LINGO2: variants seen among roughly 807,000 people sequenced by gnomAD.
The protein encoded by LINGO2 is leucine rich repeat and Ig domain containing 2.
A neutral mutation model predicts 30.6 loss-of-function variants in LINGO2; 14 were observed. The ratio of observed to expected loss-of-function variants is 0.46; its 90% CI spans 0.30 to 0.72. The LOEUF is 0.72. Ranked by LOEUF, LINGO2 falls within the 30% of genes least tolerant of loss-of-function variation. The pLI is 0.07. For missense variants in LINGO2, 729 were observed against 751.7 expected (o/e 0.97, Z 0.35); for synonymous variants, 317 against 288.5 (o/e 1.10, Z -1.00).
the LINGO2 span, among the ~76,000 whole-genome samples, chr9:28,823,306 A>G: frequency 6.6e-6 from 1 of 152,206 alleles, no homozygotes; most frequent in African/African-American, 2.4e-5. Context: ...CTAAATGGAC[A>G]TCTAGGCAGA....
In LINGO2 at chr9:28,594,000, T is replaced by TA. The variant is rs572589055; in HGVS notation, c.-365+76199dup. Among the ~76,000 whole-genome samples the TA allele has an allele frequency of 8.3e-3, 1,248 of 150,628 alleles. 26 individuals carry two copies. Among genetic ancestry groups the TA allele is most frequent in the African/African-American group, 0.029 (1,184 of 41,080 alleles). ...CAATGAACTCCTTGCTTTCACTATT[T>TA]AAAAAAAAAGAATAGGTAATAAAAT... On this transcript the variant is annotated intron_variant, in intron 1 of 5. Coordinates refer to ENST00000379992, the Ensembl canonical transcript of LINGO2.
intron 4 of LINGO2, among the ~76,000 whole-genome samples, chr9:28,068,686 T>C (rs909611146): frequency 1.3e-5 from 2 of 152,136 alleles, no homozygotes; most frequent in African/African-American, 2.4e-5. Context: ...TCCTGTAAGA[T>C]AAGTAAAGCA....
At chr9:28,939,817 G>C in the LINGO2 span, among the ~76,000 whole-genome samples, 1 of 152,074 alleles carries the variant, frequency 6.6e-6, no homozygotes, top group Admixed American at 6.6e-5. Flanking sequence ...CCACCTTTCT[G>C]AATTCCCTCT....
intron 1 of LINGO2, among the ~76,000 whole-genome samples, chr9:28,542,824 GAA>G (rs758026244): frequency 6.6e-6 from 1 of 152,038 alleles, no homozygotes; most frequent in South Asian, 2.1e-4. Context: ...TGAGGTGAGT[GAA>G]ACAGTGCATG....
chr9:28,205,807 C>T (rs929065015), intron 4 of LINGO2, among the ~76,000 whole-genome samples: 2 of 152,088 alleles, frequency 1.3e-5, no homozygotes, highest in Admixed American at 1.3e-4. Context: ...TCCTTTTGTT[C>T]CAAGTCCAAG....
downstream of LINGO2, among the ~76,000 whole-genome samples, chr9:27,947,475 C>T (rs909498061): frequency 6.6e-6 from 1 of 152,142 alleles, no homozygotes; most frequent in Non-Finnish European, 1.5e-5. Flanking sequence ...GGTTTTTAAT[C>T]CACCTTGTTT....
At chr9:28,632,702 A>C (rs566065777) in intron 1 of LINGO2, among the ~76,000 whole-genome samples, 2,372 of 137,868 alleles carry the variant, frequency 0.017, 69 homozygotes, top group African/African-American at 0.039. Flanking sequence ...ATATAGATCT[A>C]TATATTTATA....
chr9:29,119,476 A>T, the LINGO2 span, among the ~76,000 whole-genome samples: 1 of 151,830 alleles, frequency 6.6e-6, no homozygotes, highest in Non-Finnish European at 1.5e-5. Flanking sequence ...AATAATAGAT[A>T]TTGATAATAG....
chr9:29,089,923 A>G, the LINGO2 span, among the ~76,000 whole-genome samples: 5 of 152,040 alleles, frequency 3.3e-5, no homozygotes, highest in Non-Finnish European at 7.4e-5. Context: ...CTACATACCT[A>G]TATCAGGTTC....
At chr9:28,477,423 T>G (rs546544841) in intron 1 of LINGO2, among the ~76,000 whole-genome samples, 23 of 152,304 alleles carry the variant, frequency 1.5e-4, no homozygotes, top group African/African-American at 5.3e-4. Flanking sequence ...ATTTGAACTT[T>G]TTCAGAACCC....
the LINGO2 span, among the ~76,000 whole-genome samples, chr9:29,029,725 T>TAA: frequency 2.0e-5 from 3 of 152,160 alleles, no homozygotes; most frequent in South Asian, 6.2e-4. Context: ...AGCCACCTGA[T>TAA]ATGTTTATAA....
At chr9:28,703,754 C>G in the LINGO2 span, among the ~76,000 whole-genome samples, 1 of 151,648 alleles carries the variant, frequency 6.6e-6, no homozygotes, top group African/African-American at 2.4e-5. Context: ...AGTTGTTGTC[C>G]TAGAATTTGT....
the LINGO2 span, among the ~76,000 whole-genome samples, chr9:29,116,876 A>G: frequency 5.5e-4 from 84 of 152,252 alleles, 1 homozygote; most frequent in African/African-American, 2.0e-3. Flanking sequence ...AGGATAATCA[A>G]TCCTACTGAA....
the LINGO2 span, among the ~76,000 whole-genome samples, chr9:28,972,768 C>T: frequency 9.4e-3 from 1,434 of 152,194 alleles, 12 homozygotes; most frequent in Non-Finnish European, 0.014. Flanking sequence ...AGCAAAGGCA[C>T]GTCTTACATG....
the LINGO2 span, among the ~76,000 whole-genome samples, chr9:28,699,776 G>A: frequency 6.6e-6 from 1 of 151,960 alleles, no homozygotes; most frequent in African/African-American, 2.4e-5. Context: ...ATAAATGGCT[G>A]CTCTGGGAGT....
chr9:28,742,117 C>G, the LINGO2 span, among the ~76,000 whole-genome samples: 2 of 152,010 alleles, frequency 1.3e-5, no homozygotes, highest in Non-Finnish European at 1.5e-5. Flanking sequence ...CTATGTTTTA[C>G]TATGGTGAAC....
the LINGO2 span, among the ~76,000 whole-genome samples, chr9:29,033,520 C>A: frequency 3.3e-5 from 5 of 151,430 alleles, no homozygotes; most frequent in East Asian, 9.7e-4. Flanking sequence ...ATTAATAATC[C>A]ATAGAAGTGT....
chr9:28,450,383 C>A (rs927746182), intron 2 of LINGO2, among the ~76,000 whole-genome samples: 1 of 152,018 alleles, frequency 6.6e-6, no homozygotes, highest in Non-Finnish European at 1.5e-5. Flanking sequence ...CAAATCATCA[C>A]AGTTTTAAAG....
At chr9:28,575,972 G>A (rs2135621062) in intron 1 of LINGO2, among the ~76,000 whole-genome samples, 1 of 148,902 alleles carries the variant, frequency 6.7e-6, no homozygotes, top group Non-Finnish European at 1.5e-5. Context: ...CCCCACACAG[G>A]GACAGACATA....
Sources: gnomAD v4.1 joint callset for allele counts (sites outside exome capture counted in the v4.1 genomes callset) on GRCh38, gnomAD v4.1.1 for gene constraint, MANE v1.5 for transcripts, NCBI Gene and HGNC (gene_info 2026-07-23, HGNC 2026-07-21) for gene names.